The following RERE variants were observed in gnomAD, a reference collection of about 807,000 sequenced individuals.
RERE encodes arginine-glutamic acid dipeptide repeats, also known as arginine-glutamic acid dipeptide repeats protein.
RERE carries 40 observed loss-of-function variants against 146.1 expected under a neutral mutation model. The ratio of observed to expected loss-of-function variants is 0.27; its 90% CI spans 0.21 to 0.36. The LOEUF (loss-of-function observed/expected upper bound fraction) is 0.36, where lower values mean the gene tolerates loss of function less well. RERE is among the 10% of genes least tolerant of loss of function. The probability of loss-of-function intolerance (pLI) is 1.00; values close to 1 mark genes in which losing one functional copy is unlikely to be tolerated. For missense variants in RERE, 1,933 were observed against 2,138.7 expected, an observed-to-expected ratio of 0.90 and a Z score of 1.90; for synonymous variants, 1,003 against 866.0, an observed-to-expected ratio of 1.16 and a Z score of -2.78.
At chr1:8,663,966 C>A (rs941107277) in intron 1 of RERE, among the ~76,000 whole-genome samples, 1 of 152,168 alleles carries the variant, frequency 6.6e-6, no homozygotes, top group African/African-American at 2.4e-5. Flanking sequence ...CCTCCCAGAC[C>A]TACCCAGAGT....
intron 1 of RERE, among the ~76,000 whole-genome samples, chr1:8,815,522 A>C (rs987509551): frequency 6.6e-6 from 1 of 152,194 alleles, no homozygotes; most frequent in African/African-American, 2.4e-5. Context: ...TTACATATAC[A>C]AAAAAGAAAG....
chr1:8,484,427 A>AG (rs1644872483), intron 10 of RERE, among the ~76,000 whole-genome samples: 2 of 142,108 alleles, frequency 1.4e-5, no homozygotes, highest in Admixed American at 1.5e-4. Flanking sequence ...TACAAATAAA[A>AG]CTTTTTTTTT....
At chr1:8,375,035 C>T (rs1022539394) in intron 12 of RERE, among the ~76,000 whole-genome samples, 1 of 152,200 alleles carries the variant, frequency 6.6e-6, no homozygotes, top group East Asian at 1.9e-4. Flanking sequence ...TTTTCATTCC[C>T]GCCTCTGTGC....
At chr1:8,589,807 G>A (rs541060053) in intron 4 of RERE, among the ~76,000 whole-genome samples, 2 of 152,316 alleles carry the variant, frequency 1.3e-5, no homozygotes, top group East Asian at 1.9e-4. Flanking sequence ...AGGCACTGCT[G>A]AAATACTGCA....
intron 1 of RERE, among the ~76,000 whole-genome samples, chr1:8,784,210 C>A (rs1350666147): frequency 6.6e-6 from 1 of 152,228 alleles, no homozygotes; most frequent in Non-Finnish European, 1.5e-5. Context: ...CGCTGCAGAA[C>A]TTCACATGGC....
At chr1:8,621,494 G>A (rs1646915448) in intron 3 of RERE, among the ~76,000 whole-genome samples, 1 of 152,054 alleles carries the variant, frequency 6.6e-6, no homozygotes, top group Admixed American at 6.6e-5. Flanking sequence ...ATCATAACGG[G>A]CATTCACCCA....
chr1:8,396,226 T>G (rs892035807), intron 12 of RERE, among the ~76,000 whole-genome samples: 4 of 152,148 alleles, frequency 2.6e-5, no homozygotes, highest in Non-Finnish European at 5.9e-5. Flanking sequence ...TGGGGTCCAT[T>G]CTGGGGTCAA....
chr1:8,706,208 G>A (rs771866454), intron 1 of RERE, among the ~76,000 whole-genome samples: 12 of 150,944 alleles, frequency 7.9e-5, no homozygotes, highest in Non-Finnish European at 1.3e-4. Context: ...AGTCCCAGCC[G>A]CTCAGGAGGC....
At chr1:8,499,776 G>A (rs960446739) in intron 8 of RERE, among the ~76,000 whole-genome samples, 2 of 152,228 alleles carry the variant, frequency 1.3e-5, no homozygotes, top group African/African-American at 4.8e-5. Flanking sequence ...ATTGAACTGA[G>A]TGTCACAATT....
Position 8,356,359 on chromosome 1 carries a change from C to A in RERE, c.4340-113G>T. ...CTCACCCAGGATGGCTCCTGGTCAC[C>A]AGGGCTGGATGCACCACCTGGCTAC... On this transcript the variant is annotated intron_variant, in intron 20 of 22. Coordinates refer to ENST00000400908, the MANE Select transcript of RERE (RefSeq NM_001042681.2). The surrounding 1 kb of genome is among the most constrained non-coding windows in gnomAD (Gnocchi z 5.2). The A allele has an allele frequency of 8.0e-7, 1 of 1,245,534 alleles. No homozygotes were observed. The highest frequency in any genetic ancestry group is 1.9e-5 in the South Asian group (1 of 52,512). 77.2% of individuals were successfully genotyped at this position (1,245,534 alleles called of 1,614,324 possible).
intron 1 of RERE, among the ~76,000 whole-genome samples, chr1:8,742,600 C>G (rs1640330890): frequency 1.3e-5 from 2 of 152,062 alleles, no homozygotes; most frequent in Admixed American, 6.5e-5. Flanking sequence ...GCAGGCAGAT[C>G]ACTCAAGCCC....
intron 1 of RERE, among the ~76,000 whole-genome samples, chr1:8,672,122 T>A (rs964104979): frequency 1.3e-5 from 2 of 152,004 alleles, no homozygotes; most frequent in Admixed American, 6.6e-5. Context: ...CCACAAAAAA[T>A]AAATAATAAT....
chr1:8,606,097 T>C (rs1471618686), intron 4 of RERE, among the ~76,000 whole-genome samples: 1 of 152,134 alleles, frequency 6.6e-6, no homozygotes, highest in Non-Finnish European at 1.5e-5. Flanking sequence ...ATTACAGGCA[T>C]GGGTTACCAC....
chr1:8,673,186 C>T (rs1003556878), intron 1 of RERE, among the ~76,000 whole-genome samples: 1 of 152,200 alleles, frequency 6.6e-6, no homozygotes, highest in African/African-American at 2.4e-5. Context: ...ACCTCCACCT[C>T]CCAGGTTAAA....
At chr1:8,533,749 A>T (rs1224372255) in intron 7 of RERE, among the ~76,000 whole-genome samples, 1 of 152,192 alleles carries the variant, frequency 6.6e-6, no homozygotes, top group Non-Finnish European at 1.5e-5. Context: ...AGTTTCTCTT[A>T]ATTCTTTGGA....
At chr1:8,659,269 C>T (rs1472570106) in intron 1 of RERE, among the ~76,000 whole-genome samples, 2 of 152,144 alleles carry the variant, frequency 1.3e-5, no homozygotes, top group Non-Finnish European at 2.9e-5. Flanking sequence ...AGAAAGAAAA[C>T]TATCAGGCCA....
intron 4 of RERE, among the ~76,000 whole-genome samples, chr1:8,557,888 T>C (rs1646025886): frequency 6.6e-6 from 1 of 152,212 alleles, no homozygotes; most frequent in Non-Finnish European, 1.5e-5. Flanking sequence ...TTTAATCATT[T>C]TGGTAAATAT....
At chr1:8,500,685 G>A (rs1645122137) in intron 8 of RERE, among the ~76,000 whole-genome samples, 1 of 151,898 alleles carries the variant, frequency 6.6e-6, no homozygotes, top group African/African-American at 2.4e-5. Context: ...TCTGGGATAT[G>A]AGGAGCCTCT....
chr1:8,520,982 T>C (rs1645489853), intron 7 of RERE, among the ~76,000 whole-genome samples: 1 of 151,778 alleles, frequency 6.6e-6, no homozygotes, highest in Non-Finnish European at 1.5e-5. Flanking sequence ...CTCAGGGAAA[T>C]GTTATAAAAA....
Sources: allele counts gnomAD v4.1 joint callset (sites outside exome capture counted in the v4.1 genomes callset), GRCh38; gene constraint gnomAD v4.1.1; non-coding constraint Gnocchi (gnomAD v3.1); transcripts MANE v1.5; gene names NCBI Gene and HGNC (gene_info 2026-07-23, HGNC 2026-07-21).